LPP: variants seen among roughly 807,000 people sequenced by gnomAD.
The protein encoded by LPP is LIM domain containing preferred translocation partner in lipoma.
Under a neutral mutation model 60.4 loss-of-function variants are expected in LPP, and 38 were observed. The observed-to-expected ratio is 0.63, with a 90% CI of 0.49 to 0.83. LPP has a LOEUF of 0.83. LPP is among the 40% of genes least tolerant of loss of function. The pLI, the probability that LPP is intolerant of heterozygous loss-of-function variation, is 0.00. For missense variants in LPP, 902 were observed against 783.6 expected (o/e 1.15, Z -1.80); for synonymous variants, 328 against 290.8 (o/e 1.13, Z -1.30).
At chr3:188,774,934 G>C (rs1046125802) in intron 9 of LPP, among the ~76,000 whole-genome samples, 4 of 152,080 alleles carry the variant, frequency 2.6e-5, no homozygotes, top group Non-Finnish European at 5.9e-5. Context: ...ACTCAATTTA[G>C]TCCATAGCAA....
In LPP at chr3:188,845,311, C is replaced by T. The variant is rs184997547; in HGVS notation, c.1411-20889C>T. On this transcript the variant is annotated intron_variant, in intron 9 of 11. Transcript: ENST00000617246. The stretch of plus-strand genomic sequence containing the variant: ...GTCTTGAGATTCTGCGGTCAAGGCT[C>T]AGACAGCCCCAGAGCTGGAAACCTC... Among the ~76,000 whole-genome samples, 29 of 152,298 alleles carry T rather than the reference C, an allele frequency of 1.9e-4. No homozygotes were observed. In the East Asian group the frequency reaches 5.4e-3, roughly 28 times the overall value.
At chr3:188,299,673 G>A (rs1489147163) in intron 2 of LPP, among the ~76,000 whole-genome samples, 1 of 152,104 alleles carries the variant, frequency 6.6e-6, no homozygotes, top group African/African-American at 2.4e-5. Context: ...CTTGGTTCTT[G>A]TTTTTAAAAA....
rs915701932 is a variant in LPP at position 188,158,519 on chromosome 3, T to C, written c.-190+4267T>C. Among the ~76,000 whole-genome samples, 13 of 152,160 alleles carry C rather than the reference T, an allele frequency of 8.5e-5. No individual in the cohort carries two copies. In the East Asian group the frequency reaches 2.1e-3, roughly 25 times the overall value. ...AGATTGGTAGGTGGATAGGTAGCTG[T>C]AGGTAGTGTAGGGATTAATGTTTGG... On this transcript the variant is annotated intron_variant, in intron 1 of 11. Transcript: ENST00000617246.
intron 5 of LPP, among the ~76,000 whole-genome samples, chr3:188,507,649 G>T (rs955952048): frequency 2.0e-4 from 31 of 152,240 alleles, no homozygotes; most frequent in African/African-American, 6.7e-4. Context: ...AAGATAAGCT[G>T]TGGTGCCCCA....
chr3:188,789,235 G>T (rs182516697), intron 9 of LPP, among the ~76,000 whole-genome samples: 2 of 152,232 alleles, frequency 1.3e-5, no homozygotes, highest in South Asian at 2.1e-4. Flanking sequence ...AAAAAAATAA[G>T]TGTGACACAC....
At chr3:188,673,072 G>C (rs538654607) in intron 7 of LPP, among the ~76,000 whole-genome samples, 2 of 151,790 alleles carry the variant, frequency 1.3e-5, no homozygotes, top group African/African-American at 4.8e-5. Flanking sequence ...TGTTCCAGTA[G>C]AGAAAAAGGC....
chr3:188,687,600 G>A (rs930779311), intron 7 of LPP, among the ~76,000 whole-genome samples: 1 of 152,032 alleles, frequency 6.6e-6, no homozygotes. Flanking sequence ...TCTGCCATGC[G>A]GAACTGTGAG....
chr3:188,291,610 C>T (rs191492807), intron 2 of LPP, among the ~76,000 whole-genome samples: 7 of 140,560 alleles, frequency 5.0e-5, no homozygotes, highest in African/African-American at 1.8e-4. Flanking sequence ...CATGCCACTG[C>T]ACTCCAGCCT....
chr3:188,165,875 G>A (rs557850074), intron 1 of LPP, among the ~76,000 whole-genome samples: 1 of 152,322 alleles, frequency 6.6e-6, no homozygotes, highest in Admixed American at 6.5e-5. Context: ...CCTGGTCCCA[G>A]CGTAACACTG....
chr3:188,715,250 C>T (rs1413006265), intron 8 of LPP, among the ~76,000 whole-genome samples: 1 of 151,746 alleles, frequency 6.6e-6, no homozygotes, highest in Non-Finnish European at 1.5e-5. Context: ...TGGTGGCACG[C>T]ACCTGTAGTC....
chr3:188,664,089 A>C (rs1224406192), intron 7 of LPP, among the ~76,000 whole-genome samples: 3 of 152,218 alleles, frequency 2.0e-5, no homozygotes, highest in African/African-American at 7.2e-5. Context: ...ACATATTGTC[A>C]CTTGTCATAA....
chr3:188,809,892 T>G (rs1362844245), intron 9 of LPP, among the ~76,000 whole-genome samples: 1 of 152,196 alleles, frequency 6.6e-6, no homozygotes, highest in African/African-American at 2.4e-5. Flanking sequence ...TTCAGTTTTC[T>G]GCATATGGCT....
chr3:188,707,375 T>A (rs191844305), intron 7 of LPP, among the ~76,000 whole-genome samples: 76 of 152,236 alleles, frequency 5.0e-4, no homozygotes, highest in African/African-American at 1.6e-3. Flanking sequence ...ACTATACATT[T>A]TATATGGAGT....
At chr3:188,276,565 G>T (rs894213275) in intron 2 of LPP, among the ~76,000 whole-genome samples, 1 of 152,146 alleles carries the variant, frequency 6.6e-6, no homozygotes, top group African/African-American at 2.4e-5. Context: ...CTGGTGGGAG[G>T]TGTTGGGGCG....
chr3:188,424,755 T>C (rs1190036222), intron 4 of LPP, among the ~76,000 whole-genome samples: 1 of 152,148 alleles, frequency 6.6e-6, no homozygotes, highest in Non-Finnish European at 1.5e-5. Flanking sequence ...TCTCTATCAT[T>C]GGTTTATAGG....
At chr3:188,286,347 G>A (rs1743909079) in intron 2 of LPP, among the ~76,000 whole-genome samples, 1 of 152,158 alleles carries the variant, frequency 6.6e-6, no homozygotes, top group African/African-American at 2.4e-5. Context: ...GACTCAACAT[G>A]CTTATGACCC....
rs1171114680 is a variant in LPP, at chr3:188,885,246, A to G, written c.*10767A>G. On this transcript the variant is annotated 3_prime_UTR_variant, in exon 12 of 12. Transcript: ENST00000617246. ...TAAATCTCCTGCATTAAATCTAAGA[A>G]TCCTTTAAAATAATCACACCTGATA... 2 of 200,978 alleles carry G rather than the reference A, an allele frequency of 1.0e-5. No homozygotes were observed. Among genetic ancestry groups the G allele is most frequent in the Non-Finnish European group, 2.0e-5 (2 of 97,684 alleles). 12.4% of individuals were successfully genotyped at this position (200,978 alleles called of 1,614,324 possible). A position where few individuals can be genotyped will look rare whatever the true frequency, so the allele number is the denominator to read the frequency against.
At chr3:188,592,557 G>GTTGTTTGTTTTTTTTT (rs1553936334) in intron 6 of LPP, among the ~76,000 whole-genome samples, 23 of 85,760 alleles carry the variant, frequency 2.7e-4, no homozygotes, top group South Asian at 1.2e-3. Flanking sequence ...TTTTGTTTTT[G>GTTGTTTGTTTTTTTTT]TTTTTTAAAT....
At chr3:188,353,603 C>T (rs186805825) in intron 3 of LPP, among the ~76,000 whole-genome samples, 3 of 152,254 alleles carry the variant, frequency 2.0e-5, no homozygotes, top group East Asian at 3.9e-4. Context: ...TCTGCTTTCC[C>T]CCACTACATA....
Sources: allele counts gnomAD v4.1 joint callset (sites outside exome capture counted in the v4.1 genomes callset), GRCh38; gene constraint gnomAD v4.1.1; transcripts MANE v1.5; gene names NCBI Gene and HGNC (gene_info 2026-07-23, HGNC 2026-07-21).